Variants in FDX1 observed in about 807,000 individuals in gnomAD.
FDX1 encodes ferredoxin 1.
Under a neutral mutation model 14.9 loss-of-function variants are expected in FDX1, and 9 were observed. That is an observed-to-expected ratio of 0.60 (90% CI 0.36 to 1.05). The LOEUF (loss-of-function observed/expected upper bound fraction) is 1.05. Among genes scored for constraint, FDX1 ranks in the 50% least tolerant of loss-of-function variants. FDX1 has a pLI of 0.01. For missense variants in FDX1, 204 were observed against 237.2 expected, an observed-to-expected ratio of 0.86 and a Z score of 0.92; for synonymous variants, 92 against 99.4, an observed-to-expected ratio of 0.93 and a Z score of 0.44.
At chr11:110,450,532 G>A (rs1330097987) in intron 2 of FDX1, among the ~76,000 whole-genome samples, 24 of 152,162 alleles carry the variant, frequency 1.6e-4, no homozygotes, top group Admixed American at 1.5e-3. Flanking sequence ...CCTGTGGCTC[G>A]GGACTGCTGT....
intron 2 of FDX1, among the ~76,000 whole-genome samples, chr11:110,442,698 G>A (rs1204546444): frequency 6.6e-6 from 1 of 152,218 alleles, no homozygotes; most frequent in Non-Finnish European, 1.5e-5. Context: ...TCTTGGATGA[G>A]ACTTTGGACT....
intron 2 of FDX1, among the ~76,000 whole-genome samples, chr11:110,440,481 A>G (rs1235882004): frequency 6.6e-6 from 1 of 152,114 alleles, no homozygotes; most frequent in African/African-American, 2.4e-5. Flanking sequence ...ATTTCAAAGA[A>G]TTTTTTGATT....
Position 110,430,272 on chromosome 11 carries a change from G to T in FDX1, c.152G>T (p.Arg51Leu). The T allele has an allele frequency of 1.7e-6, 2 of 1,203,078 alleles. No individual in the cohort carries two copies. The highest frequency in any genetic ancestry group is 4.1e-5 in the South Asian group (1 of 24,118). 74.5% of individuals were successfully genotyped at this position (1,203,078 alleles called of 1,614,324 possible). ...CCGGGCGGGAGCGCGGAGGCGAGCC[G>T]GTCGCTGAGCGTGTCGGCGCGGGCC... The part of the protein sequence containing the change: ...RGPGGSAEAS[R>L]SLSVSARARS... Residue 51 changes from arginine (R) to leucine (L), a missense_variant, in exon 1 of 4, where the codon CGG becomes CTG. Physicochemically the swap from Arg to Leu is moderately radical, Grantham distance 102. Coordinates refer to ENST00000260270, the MANE Select transcript of FDX1 (RefSeq NM_004109.5).
At chr11:110,439,355 A>C (rs1946391172) in intron 2 of FDX1, among the ~76,000 whole-genome samples, 1 of 151,750 alleles carries the variant, frequency 6.6e-6, no homozygotes, top group South Asian at 2.1e-4. Flanking sequence ...TTACAGGTGC[A>C]TGCTACCATG....
At chr11:110,440,152 A>T (rs551802569) in intron 2 of FDX1, among the ~76,000 whole-genome samples, 37 of 149,350 alleles carry the variant, frequency 2.5e-4, no homozygotes, top group Non-Finnish European at 5.2e-4. Context: ...TCTTATTTGG[A>T]TCATCTCTTT....
intron 3 of FDX1, among the ~76,000 whole-genome samples, chr11:110,459,441 C>A (rs1275397927): frequency 6.6e-6 from 1 of 152,128 alleles, no homozygotes; most frequent in Admixed American, 6.5e-5. Flanking sequence ...AGTACTATCA[C>A]CATGTTGTAG....
At chr11:110,430,419 C>A in intron 1 of FDX1, 114 bp downstream of exon 1, 1 of 675,832 alleles carries the variant, frequency 1.5e-6, no homozygotes, top group Non-Finnish European at 2.0e-6. Context: ...CGGGCCCACA[C>A]CCCGGAGGCC....
At chr11:110,433,552 T>A (rs1424898594) in intron 1 of FDX1, among the ~76,000 whole-genome samples, 2 of 152,256 alleles carry the variant, frequency 1.3e-5, no homozygotes, top group Non-Finnish European at 2.9e-5. Flanking sequence ...TATGCTGTTT[T>A]GATAACCTCC....
chr11:110,441,205 C>T (rs371261101), intron 2 of FDX1, among the ~76,000 whole-genome samples: 2 of 152,164 alleles, frequency 1.3e-5, no homozygotes, highest in African/African-American at 2.4e-5. Flanking sequence ...TACCCAGTTT[C>T]GGATATGTCT....
At chr11:110,436,371 T>A (rs1946369121) in intron 2 of FDX1, among the ~76,000 whole-genome samples, 2 of 152,234 alleles carry the variant, frequency 1.3e-5, no homozygotes, top group Non-Finnish European at 2.9e-5. Flanking sequence ...TTTTCATTTT[T>A]AGACTTCTGA....
Position 110,430,022 on chromosome 11 carries a change from C to T in FDX1, c.-99C>T. 2 of 879,670 alleles carry T rather than the reference C, an allele frequency of 2.3e-6. No homozygotes were observed. The highest frequency in any genetic ancestry group is 3.0e-6 in the Non-Finnish European group (2 of 677,948). 54.5% of individuals were successfully genotyped at this position (879,670 alleles called of 1,614,324 possible). A position where few individuals can be genotyped will look rare whatever the true frequency, so the allele number is the denominator to read the frequency against. On this transcript the variant is annotated 5_prime_UTR_variant, in exon 1 of 4. Coordinates refer to ENST00000260270, the MANE Select transcript of FDX1 (RefSeq NM_004109.5). ...GCCCCGCGCCCCTCGCCGCGGCCCTCGGGCGTCTGCGCCGCAGCTGCCGCC... is the reference window on the plus strand; with the variant it reads ...GCCCCGCGCCCCTCGCCGCGGCCCTTGGGCGTCTGCGCCGCAGCTGCCGCC...
chr11:110,457,039 A>T lies in FDX1; in HGVS notation c.432A>T (p.Leu144=), dbSNP rs760671993. 1.2e-6 allele frequency: 2 copies of T among 1,610,260 alleles called. No homozygotes were observed. Among genetic ancestry groups the T allele is most frequent in the East Asian group, 4.5e-5 (2 of 44,740 alleles). The change falls in exon 3 of 4, where the codon CTA becomes CTT. Residue 144 remains leucine (L), a synonymous_variant. Transcript: ENST00000260270. ...ACATGCTCGATCTGGCATATGGACTAACAGACAGGTAAGATTTTTGGACTG... is the reference window on the plus strand; with the variant it reads ...ACATGCTCGATCTGGCATATGGACTTACAGACAGGTAAGATTTTTGGACTG... ...ENDMLDLAYG[L]TDRSRLGCQI...
chr11:110,435,534 A>G (rs979902406), intron 1 of FDX1, among the ~76,000 whole-genome samples: 19 of 152,294 alleles, frequency 1.2e-4, no homozygotes, highest in African/African-American at 4.3e-4. Context: ...TTGATTTCCA[A>G]ATAAGCTTTG....
At chr11:110,447,237 G>A (rs1946456133) in intron 2 of FDX1, among the ~76,000 whole-genome samples, 1 of 133,742 alleles carries the variant, frequency 7.5e-6, no homozygotes, top group Non-Finnish European at 1.5e-5. Flanking sequence ...AGACCATCCT[G>A]GCCAACATAA....
intron 2 of FDX1, 114 bp downstream of exon 2, chr11:110,436,072 T>A: frequency 1.2e-6 from 1 of 855,430 alleles, no homozygotes; most frequent in Non-Finnish European, 1.9e-6. Context: ...TGTAAAATAT[T>A]AACATTCAGG....
intron 3 of FDX1, among the ~76,000 whole-genome samples, chr11:110,458,148 C>T (rs1049064831): frequency 1.3e-5 from 2 of 152,168 alleles, no homozygotes; most frequent in African/African-American, 4.8e-5. Flanking sequence ...TAGCTAACTG[C>T]TTGCTCTTTT....
At chr11:110,459,574 T>A (rs1347840647) in intron 3 of FDX1, among the ~76,000 whole-genome samples, 1 of 152,254 alleles carries the variant, frequency 6.6e-6, no homozygotes, top group Non-Finnish European at 1.5e-5. Flanking sequence ...TATTTCAAGC[T>A]GCTTCTCTGA....
intron 2 of FDX1, among the ~76,000 whole-genome samples, chr11:110,443,011 C>CT (rs1249574299): frequency 6.6e-6 from 1 of 152,170 alleles, no homozygotes; most frequent in Non-Finnish European, 1.5e-5. Context: ...TGCCTGACGC[C>CT]ATCCATGTAA....
rs368324558 is a variant in FDX1, at chr11:110,439,372, T to C, written c.310+3414T>C. On this transcript the variant is annotated intron_variant, in intron 2 of 3. Coordinates refer to ENST00000260270, the MANE Select transcript of FDX1 (RefSeq NM_004109.5). ...ACAGGTGCATGCTACCATGCCCGGC[T>C]AATTTTTTTGTATTTTTAGTAGAGA... Among the ~76,000 whole-genome samples the C allele has an allele frequency of 2.6e-3, 389 of 152,002 alleles. 3 individuals are homozygous for C. The highest frequency in any genetic ancestry group is 8.1e-3 in the African/African-American group (336 of 41,434).
Sources: allele counts gnomAD v4.1 joint callset (sites outside exome capture counted in the v4.1 genomes callset), GRCh38; gene constraint gnomAD v4.1.1; transcripts MANE v1.5; gene names NCBI Gene and HGNC (gene_info 2026-07-23, HGNC 2026-07-21).